IFI16: variants seen among roughly 807,000 people sequenced by gnomAD.
IFI16 encodes interferon gamma inducible protein 16.
IFI16 carries 49 observed loss-of-function variants against 68.4 expected under a neutral mutation model. The ratio of observed to expected loss-of-function variants is 0.72; its 90% CI spans 0.57 to 0.91. IFI16 has a LOEUF of 0.91. Among genes scored for constraint, IFI16 ranks in the 40% least tolerant of loss-of-function variants. The probability of loss-of-function intolerance (pLI) is 0.00; values close to 1 mark genes in which losing one functional copy is unlikely to be tolerated. For synonymous variants in IFI16, 307 were observed against 315.0 expected, an observed-to-expected ratio of 0.97 and a Z score of 0.27; for missense variants, 878 against 942.9, an observed-to-expected ratio of 0.93 and a Z score of 0.90.
chr1:159,020,286 A>G, intron 5 of IFI16, 55 bp from the exon 6 acceptor site: 2 of 1,313,844 alleles, frequency 1.5e-6, no homozygotes, highest in Non-Finnish European at 2.2e-6. Context: ...TTCAGCCTAT[A>G]TGTGGTTGTT....
intron 7 of IFI16, among the ~76,000 whole-genome samples, chr1:159,037,288 C>T (rs778112325): frequency 6.6e-6 from 1 of 152,284 alleles, no homozygotes; most frequent in East Asian, 1.9e-4. Flanking sequence ...GCACGTGTCT[C>T]CATGGCCGCC....
intron 7 of IFI16, among the ~76,000 whole-genome samples, chr1:159,041,223 G>T (rs765125680): frequency 4.1e-4 from 62 of 152,182 alleles, no homozygotes; most frequent in Admixed American, 2.6e-4. Context: ...TATAATTAAT[G>T]GTATTCAAAG....
chr1:159,033,054 T>C (rs1489951132), intron 7 of IFI16, among the ~76,000 whole-genome samples: 1 of 152,094 alleles, frequency 6.6e-6, no homozygotes, highest in Non-Finnish European at 1.5e-5. Flanking sequence ...TTATTAGTAA[T>C]ATTTCTGATT....
intron 1 of IFI16, among the ~76,000 whole-genome samples, chr1:159,013,885 G>A (rs1652747251): frequency 2.0e-5 from 3 of 152,120 alleles, no homozygotes; most frequent in African/African-American, 7.2e-5. Flanking sequence ...AAGGAATTTT[G>A]GGGAAGAAAA....
chr1:159,014,133 G>T (rs1213534691), intron 1 of IFI16, among the ~76,000 whole-genome samples: 2 of 152,308 alleles, frequency 1.3e-5, no homozygotes, highest in Middle Eastern at 6.8e-3. Flanking sequence ...CCAAAGAAGG[G>T]AGGATGCTAA....
At chr1:159,033,319 A>G (rs1264809220) in intron 7 of IFI16, among the ~76,000 whole-genome samples, 1 of 152,168 alleles carries the variant, frequency 6.6e-6, no homozygotes, top group Non-Finnish European at 1.5e-5. Context: ...GAACAGAGAG[A>G]CTTACTTTAT....
intron 6 of IFI16, among the ~76,000 whole-genome samples, chr1:159,028,690 G>T (rs1653812394): frequency 6.6e-6 from 1 of 151,882 alleles, no homozygotes; most frequent in African/African-American, 2.4e-5. Flanking sequence ...TTATAAATTT[G>T]GGAGCTCCAG....
chr1:159,018,192 G>C (rs772132173), intron 4 of IFI16, 37 bp from the exon 5 acceptor site: 1 of 1,562,454 alleles, frequency 6.4e-7, no homozygotes, highest in Admixed American at 1.8e-5. Flanking sequence ...TTCTCAATTA[G>C]ACATTTTTCT....
intron 7 of IFI16, among the ~76,000 whole-genome samples, chr1:159,043,615 A>G (rs1438568937): frequency 6.6e-6 from 1 of 152,156 alleles, no homozygotes; most frequent in Non-Finnish European, 1.5e-5. Context: ...TAGTTTTTCT[A>G]TAATAGAGTT....
At chr1:159,021,500 A>G (rs1205667484) in intron 6 of IFI16, among the ~76,000 whole-genome samples, 2 of 152,072 alleles carry the variant, frequency 1.3e-5, no homozygotes, top group African/African-American at 4.8e-5. Flanking sequence ...CCATTTGTTT[A>G]CTGATGGGCA....
At chr1:159,027,326 A>G (rs945774641) in intron 6 of IFI16, among the ~76,000 whole-genome samples, 3 of 152,102 alleles carry the variant, frequency 2.0e-5, no homozygotes, top group African/African-American at 4.8e-5. Context: ...GTGGTATATC[A>G]CATTTATTGA....
intron 1 of IFI16, among the ~76,000 whole-genome samples, chr1:159,011,438 A>G (rs1420204568): frequency 6.6e-6 from 1 of 151,954 alleles, no homozygotes; most frequent in Non-Finnish European, 1.5e-5. Flanking sequence ...CATACATGTT[A>G]TGTGTATATA....
chr1:159,032,925 C>T (rs1045520762), intron 7 of IFI16, among the ~76,000 whole-genome samples: 1 of 151,962 alleles, frequency 6.6e-6, no homozygotes, highest in African/African-American at 2.4e-5. Flanking sequence ...AAGAGGATTA[C>T]TATCTTGTAT....
Position 159,018,491 on chromosome 1 carries a change from T to C in IFI16, c.812T>C (p.Leu271Pro). ...GATTATTTGGAATATGATAGTCTCC[T>C]AGAGGTCAATGAAGAATCTACTGTA... ...ISDYLEYDSL[L>P]EVNEESTVSE... Residue 271 changes from leucine to proline, a missense_variant, in exon 5 of 12, where the codon CTA becomes CCA. Leu to Pro is a moderately conservative substitution (Grantham distance 98, BLOSUM62 -3). Coordinates refer to ENST00000295809, the MANE Select transcript of IFI16 (RefSeq NM_001376587.1). 6.2e-7 allele frequency: 1 copy of C among 1,614,042 alleles called. No homozygotes were observed. Among genetic ancestry groups the C allele is most frequent in the Non-Finnish European group, 8.5e-7 (1 of 1,179,888 alleles).
intron 8 of IFI16, among the ~76,000 whole-genome samples, chr1:159,046,218 T>A (rs569875793): frequency 1.3e-5 from 2 of 151,374 alleles, no homozygotes; most frequent in African/African-American, 4.8e-5. Context: ...CTCTCAGATC[T>A]TCTTTCATTA....
chr1:159,049,293 C>T (rs1422795961), intron 8 of IFI16, 139 bp from the exon 9 acceptor site: 1 of 570,720 alleles, frequency 1.8e-6, no homozygotes, highest in Admixed American at 3.2e-5. Flanking sequence ...TGGTATTATT[C>T]CTCCTGCAAC....
At chr1:159,036,514 G>A (rs566748724) in intron 7 of IFI16, among the ~76,000 whole-genome samples, 1 of 152,302 alleles carries the variant, frequency 6.6e-6, no homozygotes, top group South Asian at 2.1e-4. Flanking sequence ...CAGCCTTAAT[G>A]AACTCTAAAG....
At chr1:159,014,585 C>G in intron 1 of IFI16, 76 bp from the exon 2 acceptor site, 9 of 922,108 alleles carry the variant, frequency 9.8e-6, no homozygotes, top group Non-Finnish European at 1.5e-5. Flanking sequence ...ATATGGGCCA[C>G]TCACTCACAT....
intron 7 of IFI16, among the ~76,000 whole-genome samples, chr1:159,033,400 T>C (rs1333514959): frequency 1.3e-5 from 2 of 152,220 alleles, no homozygotes; most frequent in Admixed American, 1.3e-4. Context: ...GTTATATCTG[T>C]AGACCAGAGC....
Sources: allele counts gnomAD v4.1 joint callset (sites outside exome capture counted in the v4.1 genomes callset), GRCh38; gene constraint gnomAD v4.1.1; transcripts MANE v1.5; gene names NCBI Gene and HGNC (gene_info 2026-07-23, HGNC 2026-07-21).